Variants in NFX1 observed in about 807,000 individuals in gnomAD.
NFX1 encodes nuclear transcription factor, X-box binding 1.
Under a neutral mutation model 137.2 loss-of-function variants are expected in NFX1, and 69 were observed. That is an observed-to-expected ratio of 0.50 (90% CI 0.41 to 0.61). NFX1 has a LOEUF of 0.61. Ranked by LOEUF, NFX1 falls within the 20% of genes least tolerant of loss-of-function variation. The pLI is 0.00. For missense variants in NFX1, 1,167 were observed against 1,391.0 expected (o/e 0.84, Z 2.56); for synonymous variants, 495 against 474.1 (o/e 1.04, Z -0.57).
chr9:33,338,665 G>C, intron 12 of NFX1, 76 bp downstream of exon 12: 1 of 1,312,594 alleles, frequency 7.6e-7, no homozygotes, highest in Non-Finnish European at 1.1e-6. Flanking sequence ...GCCATGTGGA[G>C]AATGCAGCCC....
At chr9:33,292,375 A>G (rs532923806) in intron 1 of NFX1, among the ~76,000 whole-genome samples, 1 of 152,242 alleles carries the variant, frequency 6.6e-6, no homozygotes, top group East Asian at 1.9e-4. Flanking sequence ...GCCGGTGAGC[A>G]GACTCTGCAA....
At chr9:33,302,814 C>T (rs999181145) in intron 3 of NFX1, among the ~76,000 whole-genome samples, 14 of 151,826 alleles carry the variant, frequency 9.2e-5, no homozygotes, top group African/African-American at 1.7e-4. Context: ...GGATTACAGG[C>T]GCGCACCACC....
intron 17 of NFX1, among the ~76,000 whole-genome samples, chr9:33,353,158 T>C (rs1043367203): frequency 2.0e-5 from 3 of 152,238 alleles, no homozygotes; most frequent in Non-Finnish European, 4.4e-5. Flanking sequence ...TTGAAATTTC[T>C]CCGCTTCCTC....
chr9:33,314,759 G>T (rs1340876800), intron 7 of NFX1, among the ~76,000 whole-genome samples: 2 of 152,148 alleles, frequency 1.3e-5, no homozygotes, highest in Non-Finnish European at 2.9e-5. Flanking sequence ...GAAAATGGTT[G>T]CCTAGTGGTG....
intron 19 of NFX1, among the ~76,000 whole-genome samples, chr9:33,359,645 G>A (rs1324446901): frequency 6.6e-6 from 1 of 152,036 alleles, no homozygotes; most frequent in Admixed American, 6.6e-5. Flanking sequence ...CCATCTCATG[G>A]GGAAAACTTT....
At chr9:33,304,110 A>G (rs1185935514) in intron 4 of NFX1, among the ~76,000 whole-genome samples, 1 of 152,128 alleles carries the variant, frequency 6.6e-6, no homozygotes, top group Non-Finnish European at 1.5e-5. Context: ...CTACTAAAAT[A>G]AGTTAGCTGG....
At chr9:33,298,488 CACTT>C (rs1821438228) in intron 2 of NFX1, among the ~76,000 whole-genome samples, 1 of 152,116 alleles carries the variant, frequency 6.6e-6, no homozygotes, top group Admixed American at 6.6e-5. Flanking sequence ...CTAAAATAAT[CACTT>C]AGGGTCTGGA....
chr9:33,347,681 T>C, intron 15 of NFX1: 1 of 432,784 alleles, frequency 2.3e-6, no homozygotes, highest in Non-Finnish European at 4.6e-6. Context: ...CTACTGGGCG[T>C]CTACCCAGAA....
At chr9:33,321,502 A>G (rs915015681) in intron 9 of NFX1, among the ~76,000 whole-genome samples, 1 of 131,928 alleles carries the variant, frequency 7.6e-6, no homozygotes, top group Non-Finnish European at 1.8e-5. Flanking sequence ...ATAGAGTTCT[A>G]CTTTAAAGAT....
chr9:33,345,275 G>A (rs1320436537), intron 14 of NFX1, among the ~76,000 whole-genome samples: 4 of 152,114 alleles, frequency 2.6e-5, no homozygotes, highest in Non-Finnish European at 4.4e-5. Context: ...TCAGGAGGTT[G>A]AGACCAGTCT....
chr9:33,332,643 G>A, intron 11 of NFX1, 141 bp downstream of exon 11: 9 of 537,768 alleles, frequency 1.7e-5, no homozygotes, highest in African/African-American at 3.8e-5. Context: ...CACCTCAAAA[G>A]GAAAAAAATA....
intron 5 of NFX1, 109 bp from the exon 6 acceptor site, chr9:33,310,997 C>A: frequency 1.2e-6 from 1 of 863,338 alleles, no homozygotes; most frequent in Non-Finnish European, 1.9e-6. Context: ...AAAGACATGT[C>A]ATAGTAGATG....
intron 20 of NFX1, 33 bp from the exon 21 acceptor site, chr9:33,364,675 C>G (rs1389693060): frequency 2.3e-5 from 37 of 1,602,674 alleles, no homozygotes; most frequent in Non-Finnish European, 3.0e-5. Flanking sequence ...AGGGCAGGGA[C>G]AGACAAAATT....
rs374581221 is a variant in NFX1, at chr9:33,338,608, C to T, written c.2115+19C>T. The T allele has an allele frequency of 5.8e-6, 9 of 1,565,000 alleles. No individual in the cohort carries two copies. Among genetic ancestry groups the T allele is most frequent in the Middle Eastern group, 3.4e-4 (2 of 5,832 alleles). Reference sequence around the variant, plus strand: ...CTGTGTGGTAAGTGGACTTATTAGGCATAATCAGATTCCATTCATCCAGGT... The same window carrying T: ...CTGTGTGGTAAGTGGACTTATTAGGTATAATCAGATTCCATTCATCCAGGT... On this transcript the variant is annotated intron_variant, in intron 12 of 23. Coordinates refer to ENST00000379540, the MANE Select transcript of NFX1 (RefSeq NM_002504.6).
At chr9:33,360,121 C>T (rs909913602) in intron 19 of NFX1, among the ~76,000 whole-genome samples, 12 of 152,234 alleles carry the variant, frequency 7.9e-5, no homozygotes, top group African/African-American at 2.9e-4. Context: ...ATTAGGAGTC[C>T]TAGGTATTCA....
intron 11 of NFX1, among the ~76,000 whole-genome samples, chr9:33,335,762 T>G (rs946805724): frequency 6.6e-6 from 1 of 152,220 alleles, no homozygotes; most frequent in Admixed American, 6.5e-5. Context: ...ATGGATTTAC[T>G]ATTTTCGAAT....
intron 19 of NFX1, among the ~76,000 whole-genome samples, chr9:33,363,555 A>G (rs905774496): frequency 1.3e-5 from 2 of 152,152 alleles, no homozygotes; most frequent in African/African-American, 2.4e-5. Flanking sequence ...GAGTCCTAGG[A>G]TTACTGGTGT....
At position 33,347,516 on chromosome 9, in the gene NFX1, A is replaced by G. The variant is rs189984743; in HGVS notation, c.2424+399A>G. On this transcript the variant is annotated intron_variant, in intron 15 of 23. Transcript: ENST00000379540. ...CCTCCTTATTCCTGCAAGAATGGCA[A>G]TAATCAAAAAATAATAGATGTTGGC... 1.1e-4 allele frequency: 20 copies of G among 183,174 alleles called. No individual in the cohort carries two copies. The Admixed American group carries it at 1.1e-3, about 10-fold the overall frequency. 11.3% of individuals were successfully genotyped at this position (183,174 alleles called of 1,614,324 possible). A position where few individuals can be genotyped will look rare whatever the true frequency, so the allele number is the denominator to read the frequency against.
At chr9:33,332,548 C>T (rs1450582099) in intron 11 of NFX1, 46 bp downstream of exon 11, 7 of 1,384,414 alleles carry the variant, frequency 5.1e-6, no homozygotes, top group Admixed American at 3.9e-5. Context: ...GTGAAAGTGT[C>T]GTCACTCTGA....
Sources: gnomAD v4.1 joint callset for allele counts (sites outside exome capture counted in the v4.1 genomes callset) on GRCh38, gnomAD v4.1.1 for gene constraint, MANE v1.5 for transcripts, NCBI Gene and HGNC (gene_info 2026-07-23, HGNC 2026-07-21) for gene names.